EEFSEC: variants seen among roughly 807,000 people sequenced by gnomAD.
The protein encoded by EEFSEC is eukaryotic elongation factor, selenocysteine-tRNA specific.
In EEFSEC, 43 loss-of-function variants were observed where a neutral mutation model predicts 42.1. The observed-to-expected ratio is 1.02, with a 90% CI of 0.80 to 1.32. The LOEUF is 1.32. EEFSEC is among the 40% of genes most tolerant of loss of function. The probability of loss-of-function intolerance (pLI) is 0.00; values close to 1 mark genes in which losing one functional copy is unlikely to be tolerated. For synonymous variants in EEFSEC, 354 were observed against 339.1 expected, an observed-to-expected ratio of 1.04 and a Z score of -0.48; for missense variants, 745 against 803.6, an observed-to-expected ratio of 0.93 and a Z score of 0.88.
At chr3:128,364,166 T>G (rs1405856390) in intron 6 of EEFSEC, among the ~76,000 whole-genome samples, 3 of 152,050 alleles carry the variant, frequency 2.0e-5, no homozygotes, top group African/African-American at 7.2e-5. Flanking sequence ...AATCCAGGGT[T>G]TGCCAGTCCA....
At chr3:128,235,941 G>GGTTTGTTTGTTTGTTT (rs66797888) in intron 1 of EEFSEC, among the ~76,000 whole-genome samples, 4 of 149,082 alleles carry the variant, frequency 2.7e-5, no homozygotes, top group African/African-American at 7.5e-5. Context: ...GATGGGCAAA[G>GGTTTGTTTGTTTGTTT]GTTTGTTTGT....
chr3:128,312,710 G>A (rs2066902793), intron 4 of EEFSEC, among the ~76,000 whole-genome samples: 1 of 152,238 alleles, frequency 6.6e-6, no homozygotes, highest in East Asian at 1.9e-4. Flanking sequence ...AGCAGGTGTG[G>A]CTTCCTCTAG....
intron 4 of EEFSEC, among the ~76,000 whole-genome samples, chr3:128,290,449 C>T (rs1409824980): frequency 6.6e-6 from 1 of 152,138 alleles, no homozygotes; most frequent in Admixed American, 6.5e-5. Flanking sequence ...ATTGTCTTCT[C>T]ATGCTATCTT....
chr3:128,292,115 G>T (rs1410871942), intron 4 of EEFSEC, among the ~76,000 whole-genome samples: 1 of 152,028 alleles, frequency 6.6e-6, no homozygotes, highest in Non-Finnish European at 1.5e-5. Context: ...TGTTAAGTAA[G>T]TTACATATAT....
intron 6 of EEFSEC, among the ~76,000 whole-genome samples, chr3:128,370,679 G>T (rs1393722863): frequency 6.6e-6 from 1 of 152,214 alleles, no homozygotes; most frequent in East Asian, 1.9e-4. Flanking sequence ...TTCAGCCATT[G>T]CCCCTCTCCC....
At chr3:128,204,234 T>G (rs1331114826) in intron 1 of EEFSEC, among the ~76,000 whole-genome samples, 2 of 152,236 alleles carry the variant, frequency 1.3e-5, no homozygotes, top group African/African-American at 4.8e-5. Flanking sequence ...TTACCCACTT[T>G]TTACCTCAGC....
intron 4 of EEFSEC, among the ~76,000 whole-genome samples, chr3:128,265,026 C>G (rs959118755): frequency 1.3e-5 from 2 of 152,158 alleles, no homozygotes; most frequent in South Asian, 2.1e-4. Context: ...TATGATGTGC[C>G]TCAAGGAGGT....
At chr3:128,198,129 GT>G (rs747702381) in intron 1 of EEFSEC, among the ~76,000 whole-genome samples, 3 of 152,184 alleles carry the variant, frequency 2.0e-5, no homozygotes, top group Non-Finnish European at 4.4e-5. Flanking sequence ...GAGTGATGTT[GT>G]TTCAGGGTAG....
At chr3:128,266,629 G>T (rs565626002) in intron 4 of EEFSEC, among the ~76,000 whole-genome samples, 2 of 149,034 alleles carry the variant, frequency 1.3e-5, no homozygotes, top group East Asian at 4.2e-4. Context: ...GGGAGGAGTC[G>T]AATGGCAGGG....
intron 6 of EEFSEC, among the ~76,000 whole-genome samples, chr3:128,394,348 A>G (rs2067954214): frequency 6.6e-6 from 1 of 152,156 alleles, no homozygotes; most frequent in Non-Finnish European, 1.5e-5. Context: ...CTGCTCTGGG[A>G]ACAGGGCTGA....
At chr3:128,391,301 G>A (rs546208677) in intron 6 of EEFSEC, among the ~76,000 whole-genome samples, 3 of 152,336 alleles carry the variant, frequency 2.0e-5, no homozygotes, top group Non-Finnish European at 2.9e-5. Context: ...ATGGTCTCCC[G>A]CCCCAAGCTA....
At chr3:128,370,661 A>G (rs758465976) in intron 6 of EEFSEC, among the ~76,000 whole-genome samples, 2 of 152,162 alleles carry the variant, frequency 1.3e-5, no homozygotes, top group Non-Finnish European at 2.9e-5. Flanking sequence ...TCCCCAGCCC[A>G]GCTCTGTTTC....
At chr3:128,243,540 C>T (rs1253284108) in intron 1 of EEFSEC, among the ~76,000 whole-genome samples, 3 of 152,182 alleles carry the variant, frequency 2.0e-5, no homozygotes, top group African/African-American at 4.8e-5. Context: ...AGTCCAGCAA[C>T]GATGTATTAA....
intron 6 of EEFSEC, among the ~76,000 whole-genome samples, chr3:128,369,426 G>T (rs560701194): frequency 6.6e-6 from 1 of 152,354 alleles, no homozygotes; most frequent in African/African-American, 2.4e-5. Context: ...GTTTGGAGCA[G>T]ATTCTGGGGC....
chr3:128,404,130 ATG>A (rs1397804492), intron 6 of EEFSEC, among the ~76,000 whole-genome samples: 1 of 152,076 alleles, frequency 6.6e-6, no homozygotes, highest in Non-Finnish European at 1.5e-5. Context: ...TCACTTCCCT[ATG>A]TTTGCCACAT....
chr3:128,369,626 G>C (rs2067630147), intron 6 of EEFSEC, among the ~76,000 whole-genome samples: 1 of 152,228 alleles, frequency 6.6e-6, no homozygotes, highest in African/African-American at 2.4e-5. Flanking sequence ...AGCTTCGGAG[G>C]CAGCCAGACC....
chr3:128,244,607 C>T (rs2066107581), intron 1 of EEFSEC, among the ~76,000 whole-genome samples: 1 of 152,038 alleles, frequency 6.6e-6, no homozygotes, highest in African/African-American at 2.4e-5. Flanking sequence ...TACTACACAT[C>T]CCTGTTTAAA....
downstream of EEFSEC, among the ~76,000 whole-genome samples, chr3:128,408,828 C>A (rs540885212): frequency 6.6e-6 from 1 of 152,336 alleles, no homozygotes; most frequent in East Asian, 1.9e-4. Context: ...CACTAGGTGG[C>A]TCCTGGGGCG....
At chr3:128,332,512 C>T (rs947824818) in intron 4 of EEFSEC, among the ~76,000 whole-genome samples, 5 of 152,158 alleles carry the variant, frequency 3.3e-5, no homozygotes, top group African/African-American at 7.2e-5. Context: ...AGTGCAATGG[C>T]GCAATATCGG....
Sources: gnomAD v4.1 joint callset for allele counts (sites outside exome capture counted in the v4.1 genomes callset) on GRCh38, gnomAD v4.1.1 for gene constraint, MANE v1.5 for transcripts, NCBI Gene and HGNC (gene_info 2026-07-23, HGNC 2026-07-21) for gene names.